Variants in TNRC18 observed in about 807,000 individuals in gnomAD.
TNRC18 encodes trinucleotide repeat containing 18.
Under a neutral mutation model 226.7 loss-of-function variants are expected in TNRC18, and 69 were observed. The observed-to-expected ratio is 0.30, with a 90% CI of 0.25 to 0.37. The LOEUF (loss-of-function observed/expected upper bound fraction) is 0.37. TNRC18 is among the 10% of genes least tolerant of loss of function. The probability of loss-of-function intolerance (pLI) is 1.00; values close to 1 mark genes in which losing one functional copy is unlikely to be tolerated. For missense variants in TNRC18, 4,754 were observed against 4,256.6 expected (o/e 1.12, Z -3.25); for synonymous variants, 2,449 against 1,927.6 (o/e 1.27, Z -7.09).
At chr7:5,385,463 C>G (rs1450842634) in intron 5 of TNRC18, among the ~76,000 whole-genome samples, 3 of 138,884 alleles carry the variant, frequency 2.2e-5, no homozygotes, top group African/African-American at 7.9e-5. Context: ...AGTCCGCAGT[C>G]CGGCCTGGGC....
intron 19 of TNRC18, among the ~76,000 whole-genome samples, chr7:5,326,089 AGT>A (rs796284039): frequency 6.6e-6 from 1 of 152,154 alleles, no homozygotes; most frequent in South Asian, 2.1e-4. Context: ...ACACCACTGA[AGT>A]GTATATATGT....
At chr7:5,396,966 T>G (rs1780732740) in intron 2 of TNRC18, among the ~76,000 whole-genome samples, 1 of 152,270 alleles carries the variant, frequency 6.6e-6, no homozygotes, top group Middle Eastern at 3.4e-3. Flanking sequence ...GGGGTACATG[T>G]GGGGAAACTG....
At chr7:5,374,849 G>C (rs928231395) in intron 9 of TNRC18, among the ~76,000 whole-genome samples, 1 of 152,242 alleles carries the variant, frequency 6.6e-6, no homozygotes, top group African/African-American at 2.4e-5. Flanking sequence ...ATGGCATTGG[G>C]CGCACTCACT....
intron 18 of TNRC18, among the ~76,000 whole-genome samples, chr7:5,335,460 T>G (rs1346373476): frequency 6.6e-6 from 1 of 151,136 alleles, no homozygotes; most frequent in Non-Finnish European, 1.5e-5. Flanking sequence ...ATACAAAAAT[T>G]AGCCAGGCAT....
intron 18 of TNRC18, among the ~76,000 whole-genome samples, chr7:5,344,409 G>A (rs1282754507): frequency 6.6e-6 from 1 of 152,150 alleles, no homozygotes; most frequent in Non-Finnish European, 1.5e-5. Flanking sequence ...GGGGGCCCTG[G>A]TGCCTCTTTC....
At chr7:5,341,367 A>G (rs923697584) in intron 18 of TNRC18, among the ~76,000 whole-genome samples, 6 of 146,194 alleles carry the variant, frequency 4.1e-5, no homozygotes, top group African/African-American at 1.5e-4. Flanking sequence ...TGCAGTGAGC[A>G]GAGATCACGC....
chr7:5,374,767 C>A (rs564736339), intron 9 of TNRC18, among the ~76,000 whole-genome samples: 55 of 152,352 alleles, frequency 3.6e-4, no homozygotes, highest in African/African-American at 1.1e-3. Flanking sequence ...TCCACCAGGA[C>A]CCCGGCCCTG....
At chr7:5,391,111 CT>C (rs1447436422) in intron 3 of TNRC18, among the ~76,000 whole-genome samples, 4 of 152,094 alleles carry the variant, frequency 2.6e-5, no homozygotes, top group Non-Finnish European at 4.4e-5. Context: ...AACACAGGCC[CT>C]TTCTCTGCTG....
chr7:5,397,246 G>C (rs1027080951), intron 2 of TNRC18, among the ~76,000 whole-genome samples: 24 of 152,212 alleles, frequency 1.6e-4, no homozygotes, highest in Admixed American at 7.9e-4. Context: ...CCTTGCTGTG[G>C]CAGGCGGGTG....
intron 2 of TNRC18, among the ~76,000 whole-genome samples, chr7:5,404,194 A>C (rs1173418240): frequency 6.6e-6 from 1 of 152,168 alleles, no homozygotes; most frequent in East Asian, 1.9e-4. Flanking sequence ...AATGTGGTGA[A>C]ACCCCATCTC....
chr7:5,367,062 C>G (rs188988607), intron 11 of TNRC18, among the ~76,000 whole-genome samples: 2 of 152,224 alleles, frequency 1.3e-5, no homozygotes, highest in East Asian at 3.9e-4. Context: ...GGCTGGTGTC[C>G]TAATAGGGTG....
intron 18 of TNRC18, 45 bp downstream of exon 18, chr7:5,345,517 G>GGGGGGGGGGGGGCCCCCCCCCCC: frequency 2.6e-6 from 1 of 377,744 alleles, no homozygotes; most frequent in Non-Finnish European, 4.8e-6. Context: ...AATGGCGTCC[G>GGGGGGGGGGGGGCCCCCCCCCCC]CCCCTCCCAC....
At chr7:5,353,776 G>A (rs1001867966) in intron 16 of TNRC18, among the ~76,000 whole-genome samples, 13 of 152,118 alleles carry the variant, frequency 8.5e-5, no homozygotes, top group African/African-American at 3.1e-4. Flanking sequence ...GCTCTGCAGA[G>A]CCAGGTGAAT....
intron 2 of TNRC18, chr7:5,407,026 G>C (rs1416753132): frequency 6.6e-6 from 1 of 152,210 alleles, no homozygotes; most frequent in African/African-American, 2.4e-5. Context: ...CTGGGGGTGG[G>C]CGTCTCACAC....
intron 21 of TNRC18, 103 bp from the exon 22 acceptor site, chr7:5,321,293 G>A: frequency 1.2e-6 from 1 of 815,156 alleles, no homozygotes; most frequent in African/African-American, 1.7e-5. Flanking sequence ...TGGAGGCCCT[G>A]GTACCGGGTG....
At chr7:5,321,460 G>A (rs1049881770) in intron 21 of TNRC18, among the ~76,000 whole-genome samples, 2 of 152,034 alleles carry the variant, frequency 1.3e-5, no homozygotes, top group Non-Finnish European at 2.9e-5. Flanking sequence ...AAAGACCCCA[G>A]GTGGGTGTGA....
At chr7:5,374,009 G>A (rs757757954) in intron 10 of TNRC18, 46 bp downstream of exon 10, 52 of 1,412,012 alleles carry the variant, frequency 3.7e-5, no homozygotes, top group Middle Eastern at 5.3e-4. Flanking sequence ...CAGTTTTACC[G>A]CTCCAGGGGC....
Position 5,325,108 on chromosome 7 carries a change from C to A in TNRC18, c.6288G>T (p.Glu2096Asp). 6.5e-7 allele frequency: 1 copy of A among 1,550,256 alleles called. No individual in the cohort carries two copies. Among genetic ancestry groups the A allele is most frequent in the South Asian group, 1.2e-5 (1 of 83,988 alleles). The change falls in exon 20 of 30, where the codon GAG becomes GAT. Residue 2096 changes from glutamate to aspartate, a missense_variant. Coordinates refer to ENST00000430969, the MANE Select transcript of TNRC18 (RefSeq NM_001080495.3). ...KRSKAKAKGKEVKKENRGKGG... is the reference protein window; with the variant it reads ...KRSKAKAKGKDVKKENRGKGG... ...CGGTGAGCCTCACCTCCTTCTTCAC[C>A]TCCTTCCCTTTGGCCTTGGCTTTGC...
At position 5,390,400 on chromosome 7, in the gene TNRC18, T is replaced by A. The variant is rs894956300; in HGVS notation, c.487+85A>T. ...AAAAAGCCAGCATCCTGGACAGAGC[T>A]GGGGGCTACCTGGATGCTGCCAAAG... On this transcript the variant is annotated intron_variant, in intron 4 of 29. Transcript: ENST00000430969. The A allele has an allele frequency of 6.4e-5, 83 of 1,305,354 alleles. 1 individual carries two copies. In the Middle Eastern group the frequency reaches 2.8e-3, roughly 44 times the overall value. The allele number at this position is 1,305,354 out of a possible 1,614,324, so 80.9% of individuals were successfully genotyped here. A position where few individuals can be genotyped will look rare whatever the true frequency, so the allele number is the denominator to read the frequency against.
Sources: gnomAD v4.1 joint callset for allele counts (sites outside exome capture counted in the v4.1 genomes callset) on GRCh38, gnomAD v4.1.1 for gene constraint, MANE v1.5 for transcripts, NCBI Gene and HGNC (gene_info 2026-07-23, HGNC 2026-07-21) for gene names.